The following ESR1 variants were observed in gnomAD, a reference collection of about 807,000 sequenced individuals.
The protein encoded by ESR1 is estrogen receptor.
A neutral mutation model predicts 52.7 loss-of-function variants in ESR1; 12 were observed. That is an observed-to-expected ratio of 0.23 (90% CI 0.15 to 0.37). ESR1 has a LOEUF of 0.37. ESR1 is among the 10% of genes least tolerant of loss of function. ESR1 has a pLI of 1.00. For synonymous variants in ESR1, 305 were observed against 316.8 expected (o/e 0.96, Z 0.39); for missense variants, 584 against 779.7 (o/e 0.75, Z 2.99).
At chr6:151,852,821 T>A (rs1787056778) in intron 2 of ESR1, among the ~76,000 whole-genome samples, 1 of 151,962 alleles carries the variant, frequency 6.6e-6, no homozygotes, top group Non-Finnish European at 1.5e-5. Context: ...AGTTTTAGTG[T>A]GTACACATAT....
intron 2 of ESR1, among the ~76,000 whole-genome samples, chr6:151,783,866 T>A (rs541549764): frequency 6.6e-6 from 1 of 152,234 alleles, no homozygotes; most frequent in African/African-American, 2.4e-5. Context: ...ATGTTTTTGA[T>A]GACCTTGACA....
intron 3 of ESR1, among the ~76,000 whole-genome samples, chr6:151,889,697 T>C (rs1454590784): frequency 6.6e-6 from 1 of 152,176 alleles, no homozygotes; most frequent in Non-Finnish European, 1.5e-5. Flanking sequence ...TTCTACTAAC[T>C]TGGGGCTTAG....
intron 2 of ESR1, among the ~76,000 whole-genome samples, chr6:151,726,066 C>T (rs1781815626): frequency 6.6e-6 from 1 of 152,126 alleles, no homozygotes; most frequent in South Asian, 2.1e-4. Context: ...GCACGGAAAT[C>T]AGTTGTATGG....
At chr6:152,052,611 A>C (rs2046775037) in intron 5 of ESR1, among the ~76,000 whole-genome samples, 1 of 152,106 alleles carries the variant, frequency 6.6e-6, no homozygotes, top group Non-Finnish European at 1.5e-5. Flanking sequence ...TCTTTTACAG[A>C]AAAAGTCTGA....
chr6:151,975,230 C>T (rs915232360), intron 4 of ESR1, among the ~76,000 whole-genome samples: 3 of 152,192 alleles, frequency 2.0e-5, no homozygotes, highest in Non-Finnish European at 4.4e-5. Flanking sequence ...GCATCTCCTA[C>T]AAGGTTGTCT....
chr6:151,947,602 A>G (rs1019256483), intron 4 of ESR1, among the ~76,000 whole-genome samples: 1 of 152,112 alleles, frequency 6.6e-6, no homozygotes, highest in Non-Finnish European at 1.5e-5. Context: ...TCAAATGTTG[A>G]TGATTATAAG....
chr6:151,958,576 G>T (rs900226936), intron 4 of ESR1, among the ~76,000 whole-genome samples: 4 of 152,174 alleles, frequency 2.6e-5, no homozygotes, highest in African/African-American at 9.7e-5. Flanking sequence ...TTGTTATCTT[G>T]TGGCTTTGTG....
intron 2 of ESR1, among the ~76,000 whole-genome samples, chr6:151,706,739 T>C (rs1582958125): frequency 6.6e-6 from 1 of 152,290 alleles, no homozygotes; most frequent in Admixed American, 6.5e-5. Flanking sequence ...ATGGAGGAAG[T>C]GTTTCCAGTG....
intron 5 of ESR1, among the ~76,000 whole-genome samples, chr6:152,014,876 T>C (rs574236291): frequency 5.9e-5 from 9 of 152,156 alleles, no homozygotes; most frequent in Admixed American, 1.3e-4. Flanking sequence ...GCTCTCTCAA[T>C]TCTTAACATG....
At position 151,807,788 on chromosome 6, in the gene ESR1, G is replaced by A. The variant is rs1355421759; in HGVS notation, c.-125G>A. The A allele has an allele frequency of 1.1e-6, 1 of 940,072 alleles. No homozygotes were observed. The highest frequency in any genetic ancestry group is 2.6e-5 in the East Asian group (1 of 38,246). 58.2% of individuals were successfully genotyped at this position (940,072 alleles called of 1,614,324 possible). ...GCAGGGCCGGGGCCAGAGCTCGCGTGTCGGCGGGACATGCGCTGCGTCGCC... is the reference window on the plus strand; with the variant it reads ...GCAGGGCCGGGGCCAGAGCTCGCGTATCGGCGGGACATGCGCTGCGTCGCC... On this transcript the variant is annotated 5_prime_UTR_variant, in exon 1 of 8. Transcript: ENST00000206249.
chr6:151,936,456 A>G lies in ESR1; in HGVS notation c.761-7717A>G, dbSNP rs147810722. ...ACACTTTATGGGAAAAGAAAGGGAA[A>G]TCCTAATAAGGTCCATGCCAGCAAA... On this transcript the variant is annotated intron_variant, in intron 3 of 7. Coordinates refer to ENST00000206249, the MANE Select transcript of ESR1 (RefSeq NM_000125.4). Among the ~76,000 whole-genome samples, 52 of 152,336 alleles carry G rather than the reference A, an allele frequency of 3.4e-4. No homozygotes were observed. In the East Asian group the frequency reaches 9.8e-3, roughly 29 times the overall value.
At chr6:151,785,838 G>T (rs1214651080) in intron 2 of ESR1, among the ~76,000 whole-genome samples, 1 of 152,208 alleles carries the variant, frequency 6.6e-6, no homozygotes, top group African/African-American at 2.4e-5. Context: ...AAGGAAGTGT[G>T]ATTCAAGTAC....
intron 2 of ESR1, among the ~76,000 whole-genome samples, chr6:151,795,237 AGCAC>A (rs371428892): frequency 1.7e-4 from 26 of 152,268 alleles, no homozygotes; most frequent in African/African-American, 6.3e-4. Flanking sequence ...CTGTAATCCC[AGCAC>A]GTTGGGAGGC....
chr6:151,950,712 G>A (rs140619034), intron 4 of ESR1, among the ~76,000 whole-genome samples: 1,867 of 152,098 alleles, frequency 0.012, 17 homozygotes, highest in Non-Finnish European at 0.02. Flanking sequence ...GGCTAACATC[G>A]GAAACTAGAA....
At chr6:151,747,389 G>A (rs116055971) in intron 2 of ESR1, among the ~76,000 whole-genome samples, 3,908 of 152,152 alleles carry the variant, frequency 0.026, 166 homozygotes, top group African/African-American at 0.088. Flanking sequence ...TTTCTGAAAG[G>A]TAAATACCCA....
rs191022449 is a variant in ESR1 at position 152,083,075 on chromosome 6, G to A, written c.1370-11310G>A. ...ATAGATTCAGTGCTATCCCCATCAA[G>A]CTACCATTGACTTTCTTCACAGACT... On this transcript the variant is annotated intron_variant, in intron 6 of 7. Coordinates refer to ENST00000206249, the MANE Select transcript of ESR1 (RefSeq NM_000125.4). 1.8e-3 allele frequency among the ~76,000 whole-genome samples: 275 copies of A among 151,584 alleles called. 1 individual carries two copies. The highest frequency in any genetic ancestry group is 3.0e-3 in the Non-Finnish European group (203 of 67,982).
intron 2 of ESR1, among the ~76,000 whole-genome samples, chr6:151,872,190 G>A (rs1251230545): frequency 6.6e-6 from 1 of 152,206 alleles, no homozygotes; most frequent in African/African-American, 2.4e-5. Context: ...CCAAGCTTCA[G>A]AACTGTATTT....
intron 6 of ESR1, among the ~76,000 whole-genome samples, chr6:152,111,796 C>T (rs967837725): frequency 6.6e-6 from 1 of 152,062 alleles, no homozygotes; most frequent in African/African-American, 2.4e-5. Context: ...GGACGCCAGG[C>T]GCAGACCAGT....
At chr6:151,827,643 T>G (rs900146115) in intron 1 of ESR1, among the ~76,000 whole-genome samples, 1 of 152,212 alleles carries the variant, frequency 6.6e-6, no homozygotes, top group South Asian at 2.1e-4. Context: ...TGACTATTTT[T>G]AAAAGTCCAA....
Sources: allele counts gnomAD v4.1 joint callset (sites outside exome capture counted in the v4.1 genomes callset), GRCh38; gene constraint gnomAD v4.1.1; transcripts MANE v1.5; gene names NCBI Gene and HGNC (gene_info 2026-07-23, HGNC 2026-07-21).